Variants in AUTS2 observed in about 807,000 individuals in gnomAD.
AUTS2 encodes activator of transcription and developmental regulator AUTS2, also known as autism susceptibility gene 2 protein.
A neutral mutation model predicts 112.4 loss-of-function variants in AUTS2; 17 were observed. The ratio of observed to expected loss-of-function variants is 0.15; its 90% CI spans 0.10 to 0.23. AUTS2 has a LOEUF of 0.23. Among genes scored for constraint, AUTS2 ranks in the 10% least tolerant of loss-of-function variants. The pLI, the probability that AUTS2 is intolerant of heterozygous loss-of-function variation, is 1.00. For synonymous variants in AUTS2, 751 were observed against 702.7 expected (o/e 1.07, Z -1.09); for missense variants, 1,510 against 1,701.6 (o/e 0.89, Z 1.98).
At chr7:70,472,156 A>G (rs1283030710) in intron 5 of AUTS2, among the ~76,000 whole-genome samples, 1 of 152,128 alleles carries the variant, frequency 6.6e-6, no homozygotes, top group African/African-American at 2.4e-5. Context: ...GCTACTCTTC[A>G]CCCTTGGATA....
At chr7:70,289,684 G>C (rs1025215997) in intron 4 of AUTS2, among the ~76,000 whole-genome samples, 6 of 152,178 alleles carry the variant, frequency 3.9e-5, no homozygotes, top group Non-Finnish European at 8.8e-5. Context: ...AAAGACCCAA[G>C]ATAGTTGGAG....
chr7:70,194,225 C>T (rs1168674975), intron 4 of AUTS2, among the ~76,000 whole-genome samples: 1 of 152,086 alleles, frequency 6.6e-6, no homozygotes, highest in East Asian at 1.9e-4. Flanking sequence ...GCCTGGCCAA[C>T]ATGGTGAAAC....
chr7:69,868,474 T>C (rs1793337191), intron 1 of AUTS2, among the ~76,000 whole-genome samples: 2 of 152,198 alleles, frequency 1.3e-5, no homozygotes, highest in Non-Finnish European at 2.9e-5. Context: ...AAATTCTTGA[T>C]TGAGCGAAGT....
chr7:69,781,618 C>G (rs17140892), intron 1 of AUTS2, among the ~76,000 whole-genome samples: 2 of 152,200 alleles, frequency 1.3e-5, no homozygotes, highest in African/African-American at 4.8e-5. Context: ...TATACTGCAC[C>G]GAATTGACAG....
chr7:69,704,893 G>A (rs998144932), intron 1 of AUTS2, among the ~76,000 whole-genome samples: 2 of 152,012 alleles, frequency 1.3e-5, no homozygotes, highest in East Asian at 3.9e-4. Flanking sequence ...TTGAGGCAGG[G>A]TCTTGTTCTG....
chr7:70,670,145 CACTT>C (rs1807561676), intron 5 of AUTS2, among the ~76,000 whole-genome samples: 1 of 152,206 alleles, frequency 6.6e-6, no homozygotes. Flanking sequence ...CTCTCACAAA[CACTT>C]ATTTAACAAT....
chr7:70,759,773 G>T lies in AUTS2; in HGVS notation c.743-3097G>T, dbSNP rs368089099. Reference sequence around the variant, plus strand: ...TGTGTTATCCAAATTCTTGAGGCTCGTTCAAGAACAAGGAGGTAAACAGAG... The same window carrying T: ...TGTGTTATCCAAATTCTTGAGGCTCTTTCAAGAACAAGGAGGTAAACAGAG... On this transcript the variant is annotated intron_variant, in intron 6 of 18. Coordinates refer to ENST00000342771, the MANE Select transcript of AUTS2 (RefSeq NM_015570.4). 2.0e-5 allele frequency among the ~76,000 whole-genome samples: 3 copies of T among 152,250 alleles called. No individual in the cohort carries two copies. The East Asian group carries it at 5.8e-4, about 29-fold the overall frequency.
chr7:70,719,168 C>T (rs1810533289), intron 6 of AUTS2, among the ~76,000 whole-genome samples: 1 of 152,170 alleles, frequency 6.6e-6, no homozygotes, highest in Admixed American at 6.5e-5. Context: ...ACAAGTTGCT[C>T]AAGGTTACAC....
chr7:70,195,855 C>T (rs1283711173), intron 4 of AUTS2, among the ~76,000 whole-genome samples: 1 of 152,130 alleles, frequency 6.6e-6, no homozygotes, highest in Non-Finnish European at 1.5e-5. Flanking sequence ...GGAAAGGAAA[C>T]CTTGATTCGT....
chr7:70,270,278 C>A (rs1013527562), intron 4 of AUTS2, among the ~76,000 whole-genome samples: 1 of 152,028 alleles, frequency 6.6e-6, no homozygotes, highest in Non-Finnish European at 1.5e-5. Context: ...ACAACAACAA[C>A]AAAAATAGTA....
chr7:70,640,420 G>GAA (rs1563094385), intron 5 of AUTS2, among the ~76,000 whole-genome samples: 9 of 32,414 alleles, frequency 2.8e-4, no homozygotes, highest in African/African-American at 5.5e-4. Context: ...ACTCACAGGG[G>GAA]GAAAAAAAAA....
At chr7:70,634,555 T>A (rs1805437773) in intron 5 of AUTS2, among the ~76,000 whole-genome samples, 1 of 152,192 alleles carries the variant, frequency 6.6e-6, no homozygotes. Flanking sequence ...GCTGTTGGCC[T>A]GGCTCCGTCA....
intron 5 of AUTS2, among the ~76,000 whole-genome samples, chr7:70,578,858 C>A (rs1270984663): frequency 6.6e-6 from 1 of 151,998 alleles, no homozygotes; most frequent in East Asian, 1.9e-4. Flanking sequence ...GCCAAACCAA[C>A]AGGTCTAAGA....
chr7:70,446,381 T>C (rs1403849147), intron 5 of AUTS2, among the ~76,000 whole-genome samples: 2 of 152,234 alleles, frequency 1.3e-5, no homozygotes, highest in Non-Finnish European at 2.9e-5. Context: ...TGATTTGTCC[T>C]GTCCTTTATC....
At chr7:69,920,394 C>T (rs1293063792) in intron 2 of AUTS2, among the ~76,000 whole-genome samples, 2 of 151,842 alleles carry the variant, frequency 1.3e-5, no homozygotes, top group Admixed American at 6.6e-5. Flanking sequence ...TCAAGCAATC[C>T]TCCCGTTTCA....
intron 2 of AUTS2, among the ~76,000 whole-genome samples, chr7:70,081,965 T>TGCGCGCGC (rs1554304899): frequency 1.2e-4 from 16 of 128,104 alleles, no homozygotes; most frequent in Non-Finnish European, 2.1e-4. Flanking sequence ...TGTGTGTGTG[T>TGCGCGCGC]GCGCGCGCCT....
intron 4 of AUTS2, among the ~76,000 whole-genome samples, chr7:70,407,985 C>T (rs1308059827): frequency 6.7e-6 from 1 of 150,102 alleles, no homozygotes; most frequent in Non-Finnish European, 1.5e-5. Context: ...ACCCGGGCGG[C>T]AGAGCTTGCA....
chr7:70,274,087 G>A (rs894265830), intron 4 of AUTS2, among the ~76,000 whole-genome samples: 14 of 152,032 alleles, frequency 9.2e-5, no homozygotes, highest in Admixed American at 5.2e-4. Flanking sequence ...AAGCTGTTGC[G>A]TTTTGTACAG....
intron 4 of AUTS2, among the ~76,000 whole-genome samples, chr7:70,345,763 T>C (rs946605393): frequency 1.3e-5 from 2 of 152,212 alleles, no homozygotes; most frequent in South Asian, 2.1e-4. Context: ...CATTCAGTTT[T>C]GTCTAAGAAG....
Sources: gnomAD v4.1 joint callset for allele counts (sites outside exome capture counted in the v4.1 genomes callset) on GRCh38, gnomAD v4.1.1 for gene constraint, MANE v1.5 for transcripts, NCBI Gene and HGNC (gene_info 2026-07-23, HGNC 2026-07-21) for gene names.